KALRN: variants seen among roughly 807,000 people sequenced by gnomAD.
KALRN encodes the protein kalirin RhoGEF kinase, also known as kalirin.
A neutral mutation model predicts 353.7 loss-of-function variants in KALRN; 70 were observed. The ratio of observed to expected loss-of-function variants is 0.20; its 90% CI spans 0.16 to 0.24. The LOEUF is 0.24. KALRN is among the 10% of genes least tolerant of loss of function. The pLI is 1.00. For synonymous variants in KALRN, 1,391 were observed against 1,434.8 expected (o/e 0.97, Z 0.69); for missense variants, 2,791 against 3,756.7 (o/e 0.74, Z 6.72).
chr3:124,368,761 G>C lies in KALRN; in HGVS notation c.1771-16084G>C, dbSNP rs559333513. ...GCCGAGATCACGCCACTGCACTCCA[G>C]CCTGGGCACCATTGAGCACTGAGTG... On this transcript the variant is annotated intron_variant, in intron 10 of 59. Transcript: ENST00000682506. Among the ~76,000 whole-genome samples the C allele has an allele frequency of 6.0e-5, 9 of 151,250 alleles. No homozygotes were observed. The East Asian group carries it at 1.8e-3, about 30-fold the overall frequency.
intron 11 of KALRN, among the ~76,000 whole-genome samples, chr3:124,392,513 T>C (rs929411748): frequency 1.3e-5 from 2 of 151,402 alleles, no homozygotes; most frequent in Non-Finnish European, 2.9e-5. Flanking sequence ...ATAGCTAATA[T>C]GTGGTAGAAC....
chr3:124,129,571 G>C (rs990949075), intron 1 of KALRN, among the ~76,000 whole-genome samples: 2 of 152,184 alleles, frequency 1.3e-5, no homozygotes, highest in Admixed American at 1.3e-4. Context: ...CAATCTCCTG[G>C]ACAATGGCAC....
At chr3:124,493,085 TATATG>T (rs1175129283) in intron 32 of KALRN, among the ~76,000 whole-genome samples, 1 of 152,200 alleles carries the variant, frequency 6.6e-6, no homozygotes, top group Non-Finnish European at 1.5e-5. Context: ...GAGCACCTCT[TATATG>T]ATAAACACTC....
At chr3:124,242,142 C>G (rs2080534149) in intron 3 of KALRN, among the ~76,000 whole-genome samples, 1 of 152,190 alleles carries the variant, frequency 6.6e-6, no homozygotes, top group Non-Finnish European at 1.5e-5. Context: ...AAGATTCACT[C>G]TGGCAACTGA....
intron 1 of KALRN, among the ~76,000 whole-genome samples, chr3:124,217,460 A>ATG (rs151001241): frequency 4.0e-5 from 6 of 151,606 alleles, no homozygotes; most frequent in East Asian, 1.9e-4. Flanking sequence ...GGATCTGTGT[A>ATG]TGTGTGTGTG....
chr3:124,628,621 G>A (rs59409188), intron 34 of KALRN, among the ~76,000 whole-genome samples: 52,394 of 148,072 alleles, frequency 0.35, 10,151 homozygotes, highest in East Asian at 0.65. Flanking sequence ...TGTTGACCAG[G>A]CTAAAGTGCA....
chr3:124,041,411 A>G (rs1577474093), intron 1 of KALRN, among the ~76,000 whole-genome samples: 2 of 151,988 alleles, frequency 1.3e-5, no homozygotes, highest in East Asian at 1.9e-4. Flanking sequence ...TGAACATTCT[A>G]TTACTCTAAG....
At chr3:124,694,757 G>A (rs1336972900) in intron 53 of KALRN, among the ~76,000 whole-genome samples, 1 of 152,142 alleles carries the variant, frequency 6.6e-6, no homozygotes, top group African/African-American at 2.4e-5. Context: ...CATTTCCCAC[G>A]GTGCTCAGCA....
intron 1 of KALRN, among the ~76,000 whole-genome samples, chr3:124,189,667 C>T (rs775574347): frequency 2.3e-4 from 35 of 150,682 alleles, no homozygotes; most frequent in Admixed American, 2.1e-3. Context: ...AGGCCAGGTG[C>T]GGTGGCTCAT....
intron 6 of KALRN, among the ~76,000 whole-genome samples, chr3:124,301,365 A>C: frequency 6.6e-6 from 1 of 152,206 alleles, no homozygotes; most frequent in Non-Finnish European, 1.5e-5. Context: ...TGGAGAGAGA[A>C]GAGAAGAGAT....
intron 11 of KALRN, among the ~76,000 whole-genome samples, chr3:124,389,808 A>T (rs2089044553): frequency 6.6e-6 from 1 of 152,216 alleles, no homozygotes; most frequent in Non-Finnish European, 1.5e-5. Flanking sequence ...CAAGAATTTA[A>T]GATTGATATG....
intron 1 of KALRN, among the ~76,000 whole-genome samples, chr3:124,052,206 G>T (rs923802824): frequency 6.6e-6 from 1 of 152,312 alleles, no homozygotes. Context: ...CTTATATGGT[G>T]AACAGGGGCA....
chr3:124,340,353 C>T (rs865838048), intron 9 of KALRN, among the ~76,000 whole-genome samples: 1 of 151,966 alleles, frequency 6.6e-6, no homozygotes, highest in African/African-American at 2.4e-5. Flanking sequence ...AAAACCCTGT[C>T]TCTACTAAAA....
In KALRN at chr3:124,156,527, G is replaced by T. The variant is rs1049652979; in HGVS notation, c.74-71463G>T. Among the ~76,000 whole-genome samples the T allele has an allele frequency of 2.6e-5, 4 of 152,262 alleles. No individual in the cohort carries two copies. The South Asian group carries it at 8.3e-4, about 32-fold the overall frequency. ...TTGTAATGAATCTCATCTGTCTGCT[G>T]TGTATTATGCCCCACTTTGAACCTG... On this transcript the variant is annotated intron_variant, in intron 1 of 59. Coordinates refer to ENST00000682506, the MANE Select transcript of KALRN (RefSeq NM_001388419.1).
chr3:124,584,673 G>T, intron 34 of KALRN: 1 of 1,430,336 alleles, frequency 7.0e-7, no homozygotes, highest in East Asian at 2.6e-5. Context: ...CTCCCAGTAA[G>T]TCAGAGCTGC....
chr3:124,201,930 C>G (rs2075979917), intron 1 of KALRN, among the ~76,000 whole-genome samples: 1 of 152,228 alleles, frequency 6.6e-6, no homozygotes, highest in Non-Finnish European at 1.5e-5. Context: ...AAACGAGGCT[C>G]ATGCACTCAG....
In KALRN at chr3:124,452,450, T is replaced by A. The variant is rs562763857; in HGVS notation, c.3553-2727T>A. Among the ~76,000 whole-genome samples, 3 of 152,334 alleles carry A rather than the reference T, an allele frequency of 2.0e-5. No homozygotes were observed. In the South Asian group the frequency reaches 6.2e-4, roughly 32 times the overall value. ...TGAAGGAGACTTATAAATAATGTGA[T>A]GTATGCTAAAATAGAAGCATGTATG... On this transcript the variant is annotated intron_variant, in intron 21 of 59. Coordinates refer to ENST00000682506, the MANE Select transcript of KALRN (RefSeq NM_001388419.1).
At chr3:124,332,816 G>T (rs1192985789) in intron 8 of KALRN, among the ~76,000 whole-genome samples, 4 of 152,162 alleles carry the variant, frequency 2.6e-5, no homozygotes, top group Non-Finnish European at 2.9e-5. Flanking sequence ...GGCTCGTATA[G>T]AGCGAGAGCA....
chr3:124,649,812 T>TAGAC (rs1255426399), intron 37 of KALRN, among the ~76,000 whole-genome samples: 3 of 150,180 alleles, frequency 2.0e-5, no homozygotes, highest in Non-Finnish European at 3.0e-5. Flanking sequence ...GATAGATAGA[T>TAGAC]AGATAGATAG....
Sources: gnomAD v4.1 joint callset for allele counts (sites outside exome capture counted in the v4.1 genomes callset) on GRCh38, gnomAD v4.1.1 for gene constraint, MANE v1.5 for transcripts, NCBI Gene and HGNC (gene_info 2026-07-23, HGNC 2026-07-21) for gene names.